Variants in PHACTR1 observed in about 807,000 individuals in gnomAD.
The protein encoded by PHACTR1 is phosphatase and actin regulator 1, also known as RPEL repeat containing 1.
In PHACTR1, 16 loss-of-function variants were observed where a neutral mutation model predicts 69.2. The observed-to-expected ratio is 0.23, with a 90% CI of 0.16 to 0.35. PHACTR1 has a LOEUF of 0.35. Among genes scored for constraint, PHACTR1 ranks in the 10% least tolerant of loss-of-function variants. The probability of loss-of-function intolerance (pLI) is 1.00; values close to 1 mark genes in which losing one functional copy is unlikely to be tolerated. For synonymous variants in PHACTR1, 312 were observed against 284.5 expected, an observed-to-expected ratio of 1.10 and a Z score of -0.97; for missense variants, 510 against 734.7, an observed-to-expected ratio of 0.69 and a Z score of 3.54.
At chr6:12,765,356 G>A (rs1233905655) in intron 4 of PHACTR1, among the ~76,000 whole-genome samples, 4 of 152,228 alleles carry the variant, frequency 2.6e-5, no homozygotes, top group African/African-American at 9.6e-5. Flanking sequence ...TTTCCTTTCC[G>A]AGGCAAGGGA....
rs73723401 is a variant in PHACTR1, at chr6:13,166,560, T to C, written c.496+6276T>C. Among the ~76,000 whole-genome samples, 760 of 152,324 alleles carry C rather than the reference T, an allele frequency of 5.0e-3. 8 individuals are homozygous for C. Among genetic ancestry groups the C allele is most frequent in the African/African-American group, 0.016 (677 of 41,570 alleles). On this transcript the variant is annotated intron_variant, in intron 6 of 14. Transcript: ENST00000332995. ...ACTGCACCGGCGAAATCCAGAATACTAAGAACACTGATCCCCCTTATTTAT... is the reference window on the plus strand; with the variant it reads ...ACTGCACCGGCGAAATCCAGAATACCAAGAACACTGATCCCCCTTATTTAT...
chr6:12,824,002 T>A (rs1776502722), intron 4 of PHACTR1, among the ~76,000 whole-genome samples: 1 of 152,060 alleles, frequency 6.6e-6, no homozygotes, highest in Non-Finnish European at 1.5e-5. Context: ...GTCTGTGATG[T>A]GTTAGGAAGT....
At chr6:13,171,498 G>A (rs990635992) in intron 6 of PHACTR1, among the ~76,000 whole-genome samples, 3 of 152,198 alleles carry the variant, frequency 2.0e-5, no homozygotes, top group African/African-American at 4.8e-5. Context: ...TACCTTGAGC[G>A]GTGCTGTCCA....
intron 6 of PHACTR1, among the ~76,000 whole-genome samples, chr6:13,166,754 AT>A (rs1240723114): frequency 6.6e-6 from 1 of 152,182 alleles, no homozygotes; most frequent in East Asian, 1.9e-4. Context: ...ATCCCGAGGT[AT>A]ACGCAAGGGA....
chr6:12,830,133 G>GAAAGAAAGAAAGA lies in PHACTR1; in HGVS notation c.250+80346_250+80358dup, dbSNP rs1554146501. ...AGAAAGAAAGAAAGAAAGAAAGAAA[G>GAAAGAAAGAAAGA]AAAGAAAGAAAGAAAGAAAGAAAGA... On this transcript the variant is annotated intron_variant, in intron 4 of 14. Transcript: ENST00000332995. 3.3e-3 allele frequency among the ~76,000 whole-genome samples: 476 copies of GAAAGAAAGAAAGA among 143,422 alleles called. 6 individuals carry two copies. Among genetic ancestry groups the GAAAGAAAGAAAGA allele is most frequent in the African/African-American group, 0.011 (418 of 39,594 alleles). 94.1% of individuals were successfully genotyped at this position (143,422 alleles called of 152,430 possible).
At chr6:13,260,073 AT>A (rs1010345597) in intron 10 of PHACTR1, among the ~76,000 whole-genome samples, 2 of 152,172 alleles carry the variant, frequency 1.3e-5, no homozygotes, top group Non-Finnish European at 1.5e-5. Flanking sequence ...GAGATTATTA[AT>A]TTGTTTAACA....
intron 4 of PHACTR1, among the ~76,000 whole-genome samples, chr6:12,883,587 C>T (rs1390818376): frequency 6.6e-6 from 1 of 151,574 alleles, no homozygotes; most frequent in Non-Finnish European, 1.5e-5. Context: ...AGAAATACCC[C>T]AACTCCAGGC....
At chr6:13,010,149 C>T (rs924375733) in intron 4 of PHACTR1, among the ~76,000 whole-genome samples, 13 of 151,752 alleles carry the variant, frequency 8.6e-5, no homozygotes, top group South Asian at 2.1e-4. Flanking sequence ...TTTTTTGAGA[C>T]GGTGTTTTGC....
chr6:12,833,040 T>C (rs573635357), intron 4 of PHACTR1, among the ~76,000 whole-genome samples: 17 of 152,104 alleles, frequency 1.1e-4, no homozygotes, highest in Non-Finnish European at 2.5e-4. Flanking sequence ...ACAGTCTCAA[T>C]TGTGGAGCCA....
At chr6:12,904,534 CA>C (rs544410317) in intron 4 of PHACTR1, among the ~76,000 whole-genome samples, 1,615 of 80,016 alleles carry the variant, frequency 0.02, 17 homozygotes, top group African/African-American at 0.062. Context: ...AACTCCATCT[CA>C]AAAAAAAAAA....
chr6:13,283,457 A>G lies in PHACTR1; in HGVS notation c.1545A>G (p.Glu515=). ...GGCCCACGGTGGAAGAGCTTCGGGAAAGAAAGATCCTCATCCGCTTCAGTG... is the reference window on the plus strand; with the variant it reads ...GGCCCACGGTGGAAGAGCTTCGGGAGAGAAAGATCCTCATCCGCTTCAGTG... ...SQRPTVEELR[E]RKILIRFSDY... Residue 515 remains glutamate, a synonymous_variant, in exon 13 of 15, where the codon GAA becomes GAG. Transcript: ENST00000332995. The surrounding 1 kb of genome is among the most constrained non-coding windows in gnomAD (Gnocchi z 4.7). 1 of 1,613,836 alleles carries G rather than the reference A, an allele frequency of 6.2e-7. No individual in the cohort carries two copies. Among genetic ancestry groups the G allele is most frequent in the Non-Finnish European group, 8.5e-7 (1 of 1,179,792 alleles).
intron 4 of PHACTR1, among the ~76,000 whole-genome samples, chr6:12,849,326 G>A (rs534586648): frequency 1.3e-5 from 2 of 152,316 alleles, no homozygotes; most frequent in East Asian, 3.9e-4. Flanking sequence ...GATTCGGTCA[G>A]CCAGACCTTC....
At chr6:12,780,797 A>G (rs1770720886) in intron 4 of PHACTR1, among the ~76,000 whole-genome samples, 1 of 152,198 alleles carries the variant, frequency 6.6e-6, no homozygotes, top group Admixed American at 6.5e-5. Flanking sequence ...CAAAGCTTAA[A>G]TGGACAATTT....
At chr6:13,149,171 C>T (rs1383417957) in intron 5 of PHACTR1, among the ~76,000 whole-genome samples, 1 of 152,176 alleles carries the variant, frequency 6.6e-6, no homozygotes, top group Admixed American at 6.5e-5. Flanking sequence ...TTGCTTTCTG[C>T]AATCTGGTAT....
At chr6:12,735,218 G>C (rs528496708) in intron 3 of PHACTR1, among the ~76,000 whole-genome samples, 189 of 84,902 alleles carry the variant, frequency 2.2e-3, no homozygotes, top group African/African-American at 0.01. Context: ...TAGGCTGCTG[G>C]TGTGTCTCCA....
intron 4 of PHACTR1, among the ~76,000 whole-genome samples, chr6:12,921,839 G>GAT (rs1787753691): frequency 8.5e-6 from 1 of 117,764 alleles, no homozygotes; most frequent in African/African-American, 3.7e-5. Context: ...GGAAGGGAGG[G>GAT]AGAGAGGGAG....
intron 3 of PHACTR1, among the ~76,000 whole-genome samples, chr6:12,728,158 A>G (rs546338551): frequency 2.8e-4 from 43 of 152,170 alleles, no homozygotes; most frequent in African/African-American, 9.9e-4. Flanking sequence ...CAAAAAATAT[A>G]TATATTTTTA....
chr6:12,985,414 G>A (rs190628750), intron 4 of PHACTR1, among the ~76,000 whole-genome samples: 250 of 151,718 alleles, frequency 1.6e-3, no homozygotes, highest in African/African-American at 5.7e-3. Flanking sequence ...AGTACCTCCT[G>A]TAATTTTCTT....
intron 4 of PHACTR1, among the ~76,000 whole-genome samples, chr6:12,984,238 T>TCTAA (rs1194728642): frequency 6.6e-6 from 1 of 152,238 alleles, no homozygotes; most frequent in Admixed American, 6.5e-5. Flanking sequence ...TGATCGCCAT[T>TCTAA]CTAACTGGTA....
Sources: allele counts gnomAD v4.1 joint callset (sites outside exome capture counted in the v4.1 genomes callset), GRCh38; gene constraint gnomAD v4.1.1; non-coding constraint Gnocchi (gnomAD v3.1); transcripts MANE v1.5; gene names NCBI Gene and HGNC (gene_info 2026-07-23, HGNC 2026-07-21).